The following ATP23 variants were observed in gnomAD, a reference collection of about 807,000 sequenced individuals.
The protein encoded by ATP23 is ATP23 metallopeptidase and ATP synthase assembly factor homolog, also known as mitochondrial inner membrane protease ATP23 homolog.
Under a neutral mutation model 28.5 loss-of-function variants are expected in ATP23, and 24 were observed. The ratio of observed to expected loss-of-function variants is 0.84; its 90% CI spans 0.61 to 1.18. ATP23 has a LOEUF of 1.18. ATP23 is among the 50% of genes most tolerant of loss of function. The probability of loss-of-function intolerance (pLI) is 0.00; values close to 1 mark genes in which losing one functional copy is unlikely to be tolerated. For missense variants in ATP23, 274 were observed against 306.4 expected (o/e 0.89, Z 0.79); for synonymous variants, 99 against 108.6 (o/e 0.91, Z 0.55).
At position 57,957,740 on chromosome 12, in the gene ATP23, G is replaced by T. The variant is rs957259514; in HGVS notation, c.*850G>T. ...AGCAGCAGGAAGGCCCAGGGAGCTC[G>T]CTGGGTCCCCAAGCAGCCCATTCCT... On this transcript the variant is annotated 3_prime_UTR_variant, in exon 6 of 6. Transcript: ENST00000300145. Among the ~76,000 whole-genome samples the T allele has an allele frequency of 1.4e-4, 22 of 152,206 alleles. No homozygotes were observed. The highest frequency in any genetic ancestry group is 5.3e-4 in the African/African-American group (22 of 41,454).
At chr12:57,948,789 G>A (rs1364051385) in intron 3 of ATP23, among the ~76,000 whole-genome samples, 6 of 152,022 alleles carry the variant, frequency 3.9e-5, no homozygotes, top group Non-Finnish European at 8.8e-5. Context: ...GACTTTTGTG[G>A]TAACCATTCC....
Position 57,956,753 on chromosome 12 carries a change from A to G in ATP23, c.604A>G (p.Lys202Glu). ...AVRNISKEVAKKAVDEVFESC... is the reference protein window; with the variant it reads ...AVRNISKEVAEKAVDEVFESC... The stretch of plus-strand genomic sequence containing the variant: ...TAGGAATATCAGCAAAGAAGTAGCT[A>G]AAAAGGCTGTTGATGAAGTTTTTGA... The change falls in exon 6 of 6, where the codon AAA becomes GAA. Residue 202 changes from lysine (K) to glutamate (E), a missense_variant. Lys to Glu is a moderately conservative substitution (Grantham distance 56). Coordinates refer to ENST00000300145, the MANE Select transcript of ATP23 (RefSeq NM_033276.4). The G allele has an allele frequency of 1.2e-6, 2 of 1,613,974 alleles. No homozygotes were observed. Among genetic ancestry groups the G allele is most frequent in the South Asian group, 1.1e-5 (1 of 91,072 alleles).
chr12:57,945,386 C>A (rs1373426656), intron 1 of ATP23, among the ~76,000 whole-genome samples: 2 of 152,138 alleles, frequency 1.3e-5, no homozygotes, highest in African/African-American at 2.4e-5. Flanking sequence ...GCGTGTGCCA[C>A]CATGCCCAGC....
chr12:57,949,074 T>G (rs948737421), intron 3 of ATP23, among the ~76,000 whole-genome samples: 2 of 152,258 alleles, frequency 1.3e-5, no homozygotes, highest in African/African-American at 2.4e-5. Flanking sequence ...ACTCTAATAT[T>G]GATTGTTTCC....
At chr12:57,942,008 CTGGGCATCA>C (rs1365862065) in intron 1 of ATP23, 120 bp downstream of exon 1, 2 of 1,244,030 alleles carry the variant, frequency 1.6e-6, no homozygotes, top group Admixed American at 6.4e-5. Context: ...TCTAGACAGA[CTGGGCATCA>C]TGGGGGCTGG....
chr12:57,953,551 A>G (rs1956834810), intron 4 of ATP23, 55 bp from the exon 5 acceptor site: 1 of 1,421,388 alleles, frequency 7.0e-7, no homozygotes, highest in Admixed American at 2.1e-5. Context: ...TTGATATCAT[A>G]AAGATATATA....
chr12:57,944,727 TA>T lies in ATP23; in HGVS notation c.188-899del, dbSNP rs149120355. Among the ~76,000 whole-genome samples the T allele has an allele frequency of 1.6e-4, 25 of 152,374 alleles. No homozygotes were observed. In the East Asian group the frequency reaches 4.8e-3, roughly 29 times the overall value. On this transcript the variant is annotated intron_variant, in intron 1 of 5. Coordinates refer to ENST00000300145, the MANE Select transcript of ATP23 (RefSeq NM_033276.4). ...CTTGTTCTGCCCTTTGAAGAAATATTAACTGAATCTAGTCCCACATGGCACC... is the reference window on the plus strand; with the variant it reads ...CTTGTTCTGCCCTTTGAAGAAATATTACTGAATCTAGTCCCACATGGCACC...
At chr12:57,944,010 A>G (rs1160450694) in intron 1 of ATP23, among the ~76,000 whole-genome samples, 1 of 146,552 alleles carries the variant, frequency 6.8e-6, no homozygotes, top group African/African-American at 2.5e-5. Flanking sequence ...CACCAAAGCA[A>G]TTTTATTCTA....
rs763652425 is a variant in ATP23 at position 57,956,818 on chromosome 12, A to G, written c.669A>G (p.Pro223=). The G allele has an allele frequency of 1.9e-6, 3 of 1,613,952 alleles. No homozygotes were observed. The highest frequency in any genetic ancestry group is 3.3e-4 in the Middle Eastern group (2 of 6,058). The change falls in exon 6 of 6, where the codon CCA becomes CCG. Residue 223 remains proline (P), a synonymous_variant. Coordinates refer to ENST00000300145, the MANE Select transcript of ATP23 (RefSeq NM_033276.4). ...ACCATGAACCTTTTGGAAGGATCCC[A>G]CATAACAAGACTTATGCAAGATATG... ...FNDHEPFGRI[P]HNKTYARYAH...
intron 5 of ATP23, among the ~76,000 whole-genome samples, chr12:57,956,479 T>G (rs1204796088): frequency 6.6e-6 from 1 of 152,174 alleles, no homozygotes; most frequent in Non-Finnish European, 1.5e-5. Flanking sequence ...AGGTCTTACT[T>G]ATGCCTAAAT....
rs1302718822 is a variant in ATP23, at chr12:57,951,774, A to G, written c.332A>G (p.Asn111Ser). The G allele has an allele frequency of 6.2e-7, 1 of 1,614,106 alleles. No homozygotes were observed. The highest frequency in any genetic ancestry group is 1.1e-5 in the South Asian group (1 of 91,076). ...ASTSQIVLCQ[N>S]NIHNQAHMNR... ...GTCTCCTAGATAGTTTTGTGCCAGAATAATATCCATAATCAGGCCCATATG... is the reference window on the plus strand; with the variant it reads ...GTCTCCTAGATAGTTTTGTGCCAGAGTAATATCCATAATCAGGCCCATATG... Residue 111 changes from asparagine (N) to serine (S), a missense_variant, in exon 4 of 6, where the codon AAT (asparagine) becomes AGT (serine). By Grantham distance (46) the Asn-to-Ser change is conservative (BLOSUM62 1). Transcript: ENST00000300145.
chr12:57,955,649 A>G (rs754576084), intron 5 of ATP23, among the ~76,000 whole-genome samples: 57 of 152,188 alleles, frequency 3.7e-4, no homozygotes, highest in Non-Finnish European at 7.2e-4. Flanking sequence ...AAATTTTTGT[A>G]CCTTTTTTCC....
intron 4 of ATP23, 102 bp downstream of exon 4, chr12:57,951,997 C>T: frequency 6.9e-7 from 1 of 1,442,276 alleles, no homozygotes; most frequent in Non-Finnish European, 9.4e-7. Context: ...CATAGTTCTA[C>T]CTTAGTCTTG....
At chr12:57,954,077 C>T (rs938387898) in intron 5 of ATP23, among the ~76,000 whole-genome samples, 2 of 151,396 alleles carry the variant, frequency 1.3e-5, no homozygotes, top group African/African-American at 4.9e-5. Context: ...CACCTGTAGT[C>T]CCAACTACTA....
intron 5 of ATP23, among the ~76,000 whole-genome samples, chr12:57,954,998 T>G (rs1357514227): frequency 6.6e-6 from 1 of 152,148 alleles, no homozygotes; most frequent in Non-Finnish European, 1.5e-5. Flanking sequence ...GCATGTTTTC[T>G]GTGCCCTTGA....
At chr12:57,943,981 C>G (rs1160335070) in intron 1 of ATP23, among the ~76,000 whole-genome samples, 11 of 95,030 alleles carry the variant, frequency 1.2e-4, no homozygotes, top group Admixed American at 1.1e-3. Flanking sequence ...ATGGGAGTCT[C>G]TTTTTTTTTT....
At chr12:57,954,289 C>T (rs1956844936) in intron 5 of ATP23, among the ~76,000 whole-genome samples, 1 of 151,022 alleles carries the variant, frequency 6.6e-6, no homozygotes, top group Non-Finnish European at 1.5e-5. Context: ...CACAGCATGT[C>T]TTACTGTTAT....
At chr12:57,943,417 T>A (rs974184998) in intron 1 of ATP23, among the ~76,000 whole-genome samples, 1 of 152,158 alleles carries the variant, frequency 6.6e-6, no homozygotes, top group Non-Finnish European at 1.5e-5. Context: ...CGGTGGCTCA[T>A]GCCTGTAATC....
rs1956893506 is a variant in ATP23 at position 57,958,972 on chromosome 12, A to G, written c.*2082A>G. Among the ~76,000 whole-genome samples the G allele has an allele frequency of 6.6e-6, 1 of 152,216 alleles. No individual in the cohort carries two copies. The highest frequency in any genetic ancestry group is 2.4e-5 in the African/African-American group (1 of 41,462). On this transcript the variant is annotated 3_prime_UTR_variant, in exon 6 of 6. Coordinates refer to ENST00000300145, the MANE Select transcript of ATP23 (RefSeq NM_033276.4). ...ACCAGAGAAAGGCAAAGCCCAGTGC[A>G]AGGAAATCCAAAAAATGATATAAGA...
Sources: allele counts gnomAD v4.1 joint callset (sites outside exome capture counted in the v4.1 genomes callset), GRCh38; gene constraint gnomAD v4.1.1; transcripts MANE v1.5; gene names NCBI Gene and HGNC (gene_info 2026-07-23, HGNC 2026-07-21).